Variants in WWOX observed in about 807,000 individuals in gnomAD.
The protein encoded by WWOX is WW domain containing oxidoreductase.
Under a neutral mutation model 46.2 loss-of-function variants are expected in WWOX, and 69 were observed. The observed-to-expected ratio is 1.49, with a 90% CI of 1.23 to 1.82. The LOEUF is 1.82. Ranked by LOEUF, WWOX falls within the 40% of genes most tolerant of loss-of-function variation. The pLI, the probability that WWOX is intolerant of heterozygous loss-of-function variation, is 0.00. For synonymous variants in WWOX, 359 were observed against 202.6 expected (o/e 1.77, Z -6.56); for missense variants, 919 against 542.6 (o/e 1.69, Z -6.89).
chr16:78,576,911 C>G (rs745679277), intron 8 of WWOX, among the ~76,000 whole-genome samples: 7 of 152,234 alleles, frequency 4.6e-5, no homozygotes, highest in Non-Finnish European at 8.8e-5. Context: ...CATCCCCACA[C>G]TACCATCTGC....
intron 8 of WWOX, among the ~76,000 whole-genome samples, chr16:78,641,266 AG>A: frequency 6.6e-6 from 1 of 152,184 alleles, no homozygotes; most frequent in Middle Eastern, 3.4e-3. Context: ...AAGGCAGAGA[AG>A]CCCCCAGACC....
intron 8 of WWOX, among the ~76,000 whole-genome samples, chr16:78,785,306 C>T (rs915503082): frequency 6.6e-6 from 1 of 152,200 alleles, no homozygotes; most frequent in Non-Finnish European, 1.5e-5. Flanking sequence ...CACTTCCCAG[C>T]AGCAGCTTTG....
intron 8 of WWOX, among the ~76,000 whole-genome samples, chr16:79,117,398 T>C (rs1316072286): frequency 6.6e-6 from 1 of 152,182 alleles, no homozygotes; most frequent in Non-Finnish European, 1.5e-5. Context: ...ATGCCATAAA[T>C]AGACGTGGTC....
intron 8 of WWOX, among the ~76,000 whole-genome samples, chr16:78,620,322 T>C (rs1489421079): frequency 6.6e-6 from 1 of 152,342 alleles, no homozygotes; most frequent in African/African-American, 2.4e-5. Flanking sequence ...AATGTCTGTA[T>C]AGAATCCCTG....
intron 8 of WWOX, among the ~76,000 whole-genome samples, chr16:78,942,972 T>A (rs570974060): frequency 6.6e-6 from 1 of 152,366 alleles, no homozygotes; most frequent in Admixed American, 6.5e-5. Context: ...GCAGCAGTCT[T>A]GGATTTGTAT....
intron 8 of WWOX, among the ~76,000 whole-genome samples, chr16:78,886,084 CA>C (rs2044450895): frequency 6.6e-6 from 1 of 151,900 alleles, no homozygotes; most frequent in African/African-American, 2.4e-5. Context: ...GCCACCACAC[CA>C]GGCTAATTTT....
intron 8 of WWOX, among the ~76,000 whole-genome samples, chr16:78,469,447 AGT>A (rs1225454768): frequency 2.0e-5 from 3 of 152,190 alleles, no homozygotes; most frequent in Admixed American, 6.5e-5. Flanking sequence ...CAAGGAGACT[AGT>A]GTTCTGAAAC....
chr16:78,938,434 T>A (rs1484755311), intron 8 of WWOX, among the ~76,000 whole-genome samples: 4 of 151,786 alleles, frequency 2.6e-5, no homozygotes, highest in Non-Finnish European at 4.4e-5. Context: ...GACCTTTGTG[T>A]GAGACAGTGA....
intron 5 of WWOX, among the ~76,000 whole-genome samples, chr16:78,292,001 A>G (rs2079866495): frequency 6.6e-6 from 1 of 152,088 alleles, no homozygotes; most frequent in African/African-American, 2.4e-5. Context: ...CCTGTGTAAC[A>G]AAGTCAGATT....
rs1259017804 is a variant in WWOX, at chr16:78,341,348, T to C, written c.517-45512T>C. On this transcript the variant is annotated intron_variant, in intron 5 of 8. Coordinates refer to ENST00000566780, the MANE Select transcript of WWOX (RefSeq NM_016373.4). ...ATTGAATAATCTTTGATTTGTATTG[T>C]CATGTTGTTTTATAGCAGTTACTGC... Among the ~76,000 whole-genome samples, 8 of 121,182 alleles carry C rather than the reference T, an allele frequency of 6.6e-5. 1 individual carries two copies. Among genetic ancestry groups the C allele is most frequent in the East Asian group, 5.8e-4 (3 of 5,178 alleles). 79.5% of individuals were successfully genotyped at this position (121,182 alleles called of 152,430 possible). A position where few individuals can be genotyped will look rare whatever the true frequency, so the allele number is the denominator to read the frequency against.
chr16:78,766,175 A>T (rs1416267421), intron 8 of WWOX, among the ~76,000 whole-genome samples: 1 of 152,236 alleles, frequency 6.6e-6, no homozygotes, highest in African/African-American at 2.4e-5. Context: ...GGGGCAGGAC[A>T]TACTGCGTGC....
At chr16:79,146,373 A>G (rs182498530) in intron 8 of WWOX, among the ~76,000 whole-genome samples, 275 of 152,012 alleles carry the variant, frequency 1.8e-3, no homozygotes, top group Non-Finnish European at 3.5e-3. Flanking sequence ...TGAGGCTTCT[A>G]TTTTAGAGAC....
At chr16:78,568,532 G>C (rs1012668923) in intron 8 of WWOX, among the ~76,000 whole-genome samples, 4 of 144,860 alleles carry the variant, frequency 2.8e-5, no homozygotes, top group Non-Finnish European at 4.5e-5. Flanking sequence ...CTGGAGTGCA[G>C]TGGCCCGATC....
intron 6 of WWOX, among the ~76,000 whole-genome samples, chr16:78,424,230 G>C (rs888957286): frequency 2.0e-5 from 3 of 150,744 alleles, no homozygotes; most frequent in African/African-American, 7.3e-5. Context: ...TGATTCTCCG[G>C]CCTCAGCCTC....
chr16:78,818,663 C>G lies in WWOX; in HGVS notation c.1056+385911C>G, dbSNP rs558910701. ...GGAGGATCACTTGAGCCTCGTAGGT[C>G]GAGGCTGCAGTGAACTAAGATGCCA... On this transcript the variant is annotated intron_variant, in intron 8 of 8. Coordinates refer to ENST00000566780, the MANE Select transcript of WWOX (RefSeq NM_016373.4). 1.4e-4 allele frequency among the ~76,000 whole-genome samples: 21 copies of G among 152,248 alleles called. No individual in the cohort carries two copies. The South Asian group carries it at 4.2e-3, about 30-fold the overall frequency.
At chr16:78,935,397 A>G (rs1597173012) in intron 8 of WWOX, among the ~76,000 whole-genome samples, 3 of 152,318 alleles carry the variant, frequency 2.0e-5, no homozygotes, top group South Asian at 2.1e-4. Flanking sequence ...AATGTGGCAC[A>G]TATACACCAT....
At chr16:78,127,765 T>G (rs927799529) in intron 4 of WWOX, among the ~76,000 whole-genome samples, 1 of 152,212 alleles carries the variant, frequency 6.6e-6, no homozygotes, top group Non-Finnish European at 1.5e-5. Flanking sequence ...CCTATTTTTT[T>G]GATCATATCC....
At chr16:78,614,712 C>T (rs1353046932) in intron 8 of WWOX, among the ~76,000 whole-genome samples, 1 of 152,218 alleles carries the variant, frequency 6.6e-6, no homozygotes, top group East Asian at 1.9e-4. Flanking sequence ...AGGGACGGGG[C>T]CAACAGCAGG....
At chr16:78,587,530 G>A (rs186192678) in intron 8 of WWOX, among the ~76,000 whole-genome samples, 2 of 152,090 alleles carry the variant, frequency 1.3e-5, no homozygotes, top group Admixed American at 1.3e-4. Flanking sequence ...GAAAACAAGC[G>A]ATCACTTGGT....
Sources: gnomAD v4.1 joint callset for allele counts (sites outside exome capture counted in the v4.1 genomes callset) on GRCh38, gnomAD v4.1.1 for gene constraint, MANE v1.5 for transcripts, NCBI Gene and HGNC (gene_info 2026-07-23, HGNC 2026-07-21) for gene names.